SVOPL: variants seen among roughly 807,000 people sequenced by gnomAD.
SVOPL encodes SVOP like, also known as putative transporter SVOPL.
SVOPL carries 60 observed loss-of-function variants against 61.0 expected under a neutral mutation model. That is an observed-to-expected ratio of 0.98 (90% CI 0.80 to 1.22). The LOEUF (loss-of-function observed/expected upper bound fraction) is 1.22, where lower values mean the gene tolerates loss of function less well. Among genes scored for constraint, SVOPL ranks in the 50% most tolerant of loss-of-function variants. The probability of loss-of-function intolerance (pLI) is 0.00; values close to 1 mark genes in which losing one functional copy is unlikely to be tolerated. For missense variants in SVOPL, 662 were observed against 643.9 expected, an observed-to-expected ratio of 1.03 and a Z score of -0.30; for synonymous variants, 279 against 250.0, an observed-to-expected ratio of 1.12 and a Z score of -1.09.
At chr7:138,644,643 C>G (rs1563114500) in intron 9 of SVOPL, 74 bp downstream of exon 9, 2 of 1,565,958 alleles carry the variant, frequency 1.3e-6, no homozygotes, top group East Asian at 2.3e-5. Context: ...CCCCCTCCCT[C>G]CAGCCTTCCA....
intron 14 of SVOPL, among the ~76,000 whole-genome samples, chr7:138,616,477 C>T (rs893636801): frequency 6.6e-6 from 1 of 152,016 alleles, no homozygotes; most frequent in African/African-American, 2.4e-5. Context: ...GCTGGGATTA[C>T]AGGCGCGCAT....
At chr7:138,642,713 C>G (rs924193146) in intron 9 of SVOPL, among the ~76,000 whole-genome samples, 2 of 151,370 alleles carry the variant, frequency 1.3e-5, no homozygotes, top group African/African-American at 2.4e-5. Context: ...ACTGATAGTC[C>G]TAGCTACTCA....
intron 14 of SVOPL, among the ~76,000 whole-genome samples, chr7:138,620,038 G>T (rs1799480619): frequency 1.3e-5 from 2 of 151,734 alleles, no homozygotes; most frequent in African/African-American, 4.8e-5. Context: ...CCCAGACTGG[G>T]CTCGGCCTCA....
Position 138,649,066 on chromosome 7 carries a change from G to T in SVOPL, c.606C>A (p.Arg202=), listed in dbSNP as rs533968380. The change falls in exon 8 of 16, where the codon CGC becomes CGA. Residue 202 remains arginine (R), a synonymous_variant. Coordinates refer to ENST00000674285, the MANE Select transcript of SVOPL (RefSeq NM_001139456.2). ...GGATGGAGGCGACGCGAATGAGCCA[G>T]CGCCACCCGATGGTGGGGATGATCA... ...ASVIIPTIGW[R]WLIRVASIPG... 1.9e-6 allele frequency: 3 copies of T among 1,613,988 alleles called. No individual in the cohort carries two copies. The highest frequency in any genetic ancestry group is 4.5e-5 in the East Asian group (2 of 44,854).
chr7:138,601,251 C>CAAAAAAA (rs59761826), intron 14 of SVOPL, among the ~76,000 whole-genome samples: 7 of 99,024 alleles, frequency 7.1e-5, no homozygotes, highest in Non-Finnish European at 8.0e-5. Context: ...GATTCCATCT[C>CAAAAAAA]AAAAAAAAAA....
intron 1 of SVOPL, among the ~76,000 whole-genome samples, chr7:138,700,553 C>T (rs547282880): frequency 6.6e-6 from 1 of 151,948 alleles, no homozygotes; most frequent in Non-Finnish European, 1.5e-5. Flanking sequence ...CTTGGTCAGG[C>T]TGGTCTTGAA....
rs764312082 is a variant in SVOPL at position 138,630,043 on chromosome 7, T to C, written c.863+6A>G. On this transcript the variant is annotated splice_donor_region_variant and intron_variant, in intron 10 of 15. Transcript: ENST00000674285. ...AAAACTAGCTTTGAAATCATTACAC[T>C]CTTACCATATGACCCAGATCTGTAA... is the stretch of plus-strand genomic sequence containing the variant. 3.1e-6 allele frequency: 5 copies of C among 1,611,572 alleles called. No homozygotes were observed. The highest frequency in any genetic ancestry group is 4.2e-6 in the Non-Finnish European group (5 of 1,177,830).
In SVOPL at chr7:138,678,219, G is replaced by A. The variant is rs1371471412; in HGVS notation, c.174+215C>T. Among the ~76,000 whole-genome samples, 16 of 149,212 alleles carry A rather than the reference G, an allele frequency of 1.1e-4. No homozygotes were observed. In the East Asian group the frequency reaches 2.6e-3, roughly 24 times the overall value. ...TCCTGTTTTGAATTTGAATTGTCCC[G>A]CCTTTCTGGACCAAATCAATGTATT... On this transcript the variant is annotated intron_variant, in intron 3 of 15. Transcript: ENST00000674285.
chr7:138,641,196 C>A (rs1800763319), intron 9 of SVOPL, among the ~76,000 whole-genome samples: 1 of 140,246 alleles, frequency 7.1e-6, no homozygotes, highest in African/African-American at 2.7e-5. Context: ...GAGACCCCAT[C>A]ACAAAAAATA....
intron 7 of SVOPL, among the ~76,000 whole-genome samples, chr7:138,649,837 T>G (rs1437710445): frequency 2.4e-5 from 3 of 124,304 alleles, no homozygotes; most frequent in Non-Finnish European, 4.0e-5. Flanking sequence ...AAAAAGGTTG[T>G]TTGTTTGTTT....
intron 5 of SVOPL, chr7:138,661,138 C>T (rs1483909974): frequency 3.3e-5 from 33 of 985,192 alleles, no homozygotes; most frequent in Non-Finnish European, 4.0e-5. Context: ...TAATGTTTTC[C>T]TTTGAGATTC....
At chr7:138,623,567 T>C (rs1170199591) in intron 13 of SVOPL, among the ~76,000 whole-genome samples, 11 of 151,958 alleles carry the variant, frequency 7.2e-5, no homozygotes, top group Admixed American at 5.2e-4. Flanking sequence ...GCCACTGCAC[T>C]CCAGCCTGGG....
intron 14 of SVOPL, among the ~76,000 whole-genome samples, chr7:138,605,021 G>A (rs1246664681): frequency 6.6e-6 from 1 of 151,662 alleles, no homozygotes; most frequent in East Asian, 1.9e-4. Context: ...TTCAAGACTG[G>A]CCTGGGCAAC....
chr7:138,628,302 C>G lies in SVOPL; in HGVS notation c.925G>C (p.Asp309His), dbSNP rs1235109772. The change falls in exon 11 of 16, where the codon GAC becomes CAC. Residue 309 changes from aspartate (D) to histidine (H), a missense_variant. Physicochemically the swap from Asp to His is moderately conservative, Grantham distance 81. Transcript: ENST00000674285. The stretch of plus-strand genomic sequence containing the variant: ...TCTGACTTTGAACCACAGACCAAGT[C>G]CCGCTCCAGCAGCTCAGCACTGGCC... ...ILASAELLER[D>H]LVCGSKSDSA... 10 of 1,614,192 alleles carry G rather than the reference C, an allele frequency of 6.2e-6. No individual in the cohort carries two copies. The highest frequency in any genetic ancestry group is 1.6e-4 in the Middle Eastern group (1 of 6,062).
At chr7:138,677,255 TGA>T (rs1252384075) in intron 3 of SVOPL, among the ~76,000 whole-genome samples, 1 of 152,084 alleles carries the variant, frequency 6.6e-6, no homozygotes, top group Non-Finnish European at 1.5e-5. Flanking sequence ...GCCCAGAGCC[TGA>T]GGTCAGTAGA....
At chr7:138,649,773 T>C (rs115706178) in intron 7 of SVOPL, among the ~76,000 whole-genome samples, 2,356 of 152,246 alleles carry the variant, frequency 0.015, 64 homozygotes, top group African/African-American at 0.054. Flanking sequence ...GCTACTGCAG[T>C]AGACCAGGTC....
intron 13 of SVOPL, among the ~76,000 whole-genome samples, chr7:138,621,794 C>CTATCTATG (rs1330405556): frequency 1.5e-5 from 2 of 135,022 alleles, no homozygotes; most frequent in Non-Finnish European, 3.1e-5. Flanking sequence ...ATCTATCTAT[C>CTATCTATG]TATCTATGTA....
intron 12 of SVOPL, 85 bp from the exon 13 acceptor site, chr7:138,626,135 G>A: frequency 7.7e-7 from 1 of 1,291,964 alleles, no homozygotes; most frequent in South Asian, 1.3e-5. Context: ...CACTGTGGAT[G>A]CTGAGATACA....
Position 138,638,992 on chromosome 7 carries a change from C to G in SVOPL, c.789+5725G>C, listed in dbSNP as rs543024468. On this transcript the variant is annotated intron_variant, in intron 9 of 15. Transcript: ENST00000674285. Reference sequence around the variant, plus strand: ...AACAGGCCAGGCACAGTGGCTCATGCCTGTAATCCCAACACTTTGGAAGGC... The same window carrying G: ...AACAGGCCAGGCACAGTGGCTCATGGCTGTAATCCCAACACTTTGGAAGGC... Among the ~76,000 whole-genome samples, 11 of 152,316 alleles carry G rather than the reference C, an allele frequency of 7.2e-5. No individual in the cohort carries two copies. The East Asian group carries it at 2.1e-3, about 29-fold the overall frequency.
Sources: allele counts gnomAD v4.1 joint callset (sites outside exome capture counted in the v4.1 genomes callset), GRCh38; gene constraint gnomAD v4.1.1; transcripts MANE v1.5; gene names NCBI Gene and HGNC (gene_info 2026-07-23, HGNC 2026-07-21).